Variants in CNTNAP5 observed in about 807,000 individuals in gnomAD.
CNTNAP5 encodes the protein contactin-associated protein-like 5.
Under a neutral mutation model 150.2 loss-of-function variants are expected in CNTNAP5, and 72 were observed. The observed-to-expected ratio is 0.48, with a 90% confidence interval of 0.40 to 0.58. The LOEUF (loss-of-function observed/expected upper bound fraction) is 0.58. Among genes scored for constraint, CNTNAP5 ranks in the 20% least tolerant of loss-of-function variants. The probability of loss-of-function intolerance (pLI) is 0.00; values close to 1 mark genes in which losing one functional copy is unlikely to be tolerated. For synonymous variants in CNTNAP5, 672 were observed against 619.8 expected (o/e 1.08, Z -1.25); for missense variants, 1,636 against 1,626.2 (o/e 1.01, Z -0.10).
At chr2:124,419,296 A>G (rs1286569448) in intron 4 of CNTNAP5, among the ~76,000 whole-genome samples, 1 of 152,054 alleles carries the variant, frequency 6.6e-6, no homozygotes, top group Non-Finnish European at 1.5e-5. Flanking sequence ...GTTCAGTTGT[A>G]CTTATTTTTC....
At chr2:124,858,741 A>G (rs1677440751) in intron 19 of CNTNAP5, among the ~76,000 whole-genome samples, 1 of 152,242 alleles carries the variant, frequency 6.6e-6, no homozygotes, top group Non-Finnish European at 1.5e-5. Flanking sequence ...TCATATCACC[A>G]GAGAAAACTT....
intron 3 of CNTNAP5, among the ~76,000 whole-genome samples, chr2:124,335,986 G>C (rs976295040): frequency 2.0e-5 from 3 of 151,978 alleles, no homozygotes; most frequent in African/African-American, 7.3e-5. Context: ...CAAAACACGA[G>C]ACTTCATGAA....
At position 124,784,715 on chromosome 2, in the gene CNTNAP5, G is replaced by A. The variant is rs144951093; in HGVS notation, c.2753-5187G>A. 2.0e-5 allele frequency among the ~76,000 whole-genome samples: 3 copies of A among 152,296 alleles called. No individual in the cohort carries two copies. The East Asian group carries it at 5.8e-4, about 29-fold the overall frequency. On this transcript the variant is annotated intron_variant, in intron 17 of 23. Coordinates refer to ENST00000682447, the MANE Select transcript of CNTNAP5 (RefSeq NM_001367498.1). ...TATTGACCCAAATCGTCTAATATTTGTCTTAGAATTTTAGGGCAAGGAGCT... is the reference window on the plus strand; with the variant it reads ...TATTGACCCAAATCGTCTAATATTTATCTTAGAATTTTAGGGCAAGGAGCT...
At chr2:124,316,126 T>TA (rs1228619990) in intron 3 of CNTNAP5, among the ~76,000 whole-genome samples, 1 of 152,174 alleles carries the variant, frequency 6.6e-6, no homozygotes, top group African/African-American at 2.4e-5. Flanking sequence ...TTTATTGCCA[T>TA]AATTATTTGG....
intron 3 of CNTNAP5, among the ~76,000 whole-genome samples, chr2:124,246,341 C>T (rs1354584605): frequency 1.3e-5 from 2 of 152,050 alleles, no homozygotes; most frequent in Non-Finnish European, 2.9e-5. Context: ...TGAATGAGGT[C>T]ACCAAACAGC....
intron 17 of CNTNAP5, among the ~76,000 whole-genome samples, chr2:124,786,387 G>GAAAGAA (rs1681580115): frequency 3.5e-5 from 3 of 84,832 alleles, no homozygotes; most frequent in Non-Finnish European, 6.7e-5. Context: ...AAGAAAGAAA[G>GAAAGAA]AAAGAAAGAA....
intron 1 of CNTNAP5, among the ~76,000 whole-genome samples, chr2:124,086,374 C>A (rs2104681195): frequency 6.6e-6 from 1 of 150,912 alleles, no homozygotes; most frequent in Middle Eastern, 3.4e-3. Context: ...CGGCTAATTT[C>A]TTGTATTTTT....
intron 1 of CNTNAP5, among the ~76,000 whole-genome samples, chr2:124,133,580 G>A (rs1424987113): frequency 1.3e-5 from 2 of 152,162 alleles, no homozygotes; most frequent in Non-Finnish European, 2.9e-5. Context: ...CTCCTCTCCT[G>A]TGAAGCCTTT....
At chr2:124,529,428 C>A (rs1695055431) in intron 10 of CNTNAP5, among the ~76,000 whole-genome samples, 1 of 152,074 alleles carries the variant, frequency 6.6e-6, no homozygotes, top group Non-Finnish European at 1.5e-5. Context: ...ATTGTGCTTT[C>A]ATTAATTGTA....
chr2:124,328,310 T>C (rs912544744), intron 3 of CNTNAP5, among the ~76,000 whole-genome samples: 1 of 152,212 alleles, frequency 6.6e-6, no homozygotes, highest in Non-Finnish European at 1.5e-5. Flanking sequence ...CCAGTAGTTT[T>C]GTTTTTATCC....
intron 1 of CNTNAP5, among the ~76,000 whole-genome samples, chr2:124,220,695 T>C (rs1174238591): frequency 6.6e-6 from 1 of 152,096 alleles, no homozygotes; most frequent in Non-Finnish European, 1.5e-5. Flanking sequence ...TCTTGTTGCA[T>C]CATCATATGG....
chr2:124,674,036 C>G (rs1678876551), intron 13 of CNTNAP5, among the ~76,000 whole-genome samples: 1 of 152,234 alleles, frequency 6.6e-6, no homozygotes, highest in African/African-American at 2.4e-5. Context: ...TTGCCGCATT[C>G]ACCACAATGT....
In CNTNAP5 at chr2:124,064,721, C is replaced by T. The variant is rs74843393; in HGVS notation, c.82+38989C>T. On this transcript the variant is annotated intron_variant, in intron 1 of 23. Coordinates refer to ENST00000682447, the MANE Select transcript of CNTNAP5 (RefSeq NM_001367498.1). ...CATGTCATTATTCAGTGTTCCACCA[C>T]CCTCCCGTGACTACCACTGGGCTTC... Among the ~76,000 whole-genome samples the T allele has an allele frequency of 2.2e-4, 34 of 152,278 alleles. 1 individual carries two copies. In the East Asian group the frequency reaches 6.2e-3, roughly 28 times the overall value.
intron 3 of CNTNAP5, among the ~76,000 whole-genome samples, chr2:124,313,683 T>C (rs1489192533): frequency 2.6e-5 from 4 of 152,216 alleles, no homozygotes; most frequent in Non-Finnish European, 5.9e-5. Context: ...ATTGTGCCAT[T>C]GTCTGGATCA....
At chr2:124,872,577 T>A (rs1225334852) in intron 21 of CNTNAP5, among the ~76,000 whole-genome samples, 1 of 152,028 alleles carries the variant, frequency 6.6e-6, no homozygotes, top group Non-Finnish European at 1.5e-5. Flanking sequence ...TCTCACTTTT[T>A]TTTTCTGAAC....
chr2:124,911,247 A>G (rs1678648785), intron 22 of CNTNAP5, among the ~76,000 whole-genome samples: 2 of 152,018 alleles, frequency 1.3e-5, no homozygotes. Context: ...CAATTTGCAC[A>G]TAAACAAACA....
intron 1 of CNTNAP5, among the ~76,000 whole-genome samples, chr2:124,115,648 CTT>C (rs10666342): frequency 2.3e-4 from 28 of 123,704 alleles, no homozygotes; most frequent in South Asian, 5.4e-4. Flanking sequence ...GTATAATAGT[CTT>C]TTTTTTTTTT....
At chr2:124,825,856 T>A (rs1338719507) in intron 19 of CNTNAP5, among the ~76,000 whole-genome samples, 1 of 152,160 alleles carries the variant, frequency 6.6e-6, no homozygotes, top group Non-Finnish European at 1.5e-5. Context: ...CCATGCTTTG[T>A]ATCTGTTGGA....
rs549932582 is a variant in CNTNAP5, at chr2:124,263,150, T to A, written c.381+20757T>A. ...TTTATAACAGCATGATTTATAATCC[T>A]TTGGGTATATACCCAGTAATGAGAT... On this transcript the variant is annotated intron_variant, in intron 3 of 23. Transcript: ENST00000682447. Among the ~76,000 whole-genome samples the A allele has an allele frequency of 1.6e-4, 24 of 152,270 alleles. No individual in the cohort carries two copies. In the South Asian group the frequency reaches 4.8e-3, roughly 30 times the overall value.
Sources: gnomAD v4.1 joint callset for allele counts (sites outside exome capture counted in the v4.1 genomes callset) on GRCh38, gnomAD v4.1.1 for gene constraint, MANE v1.5 for transcripts, NCBI Gene and HGNC (gene_info 2026-07-23, HGNC 2026-07-21) for gene names.